Variants in ZFHX3 observed in about 807,000 individuals in gnomAD.
The protein encoded by ZFHX3 is zinc finger homeobox 3.
A neutral mutation model predicts 279.1 loss-of-function variants in ZFHX3; 42 were observed. The observed-to-expected ratio is 0.15, with a 90% CI of 0.12 to 0.19. ZFHX3 has a LOEUF of 0.19. Ranked by LOEUF, ZFHX3 falls within the 10% of genes least tolerant of loss-of-function variation. The pLI is 1.00. For missense variants in ZFHX3, 4,981 were observed against 4,754.0 expected, an observed-to-expected ratio of 1.05 and a Z score of -1.40; for synonymous variants, 2,293 against 1,957.8, an observed-to-expected ratio of 1.17 and a Z score of -4.52.
chr16:73,448,616 C>A (rs138155615), intron 3 of ZFHX3, among the ~76,000 whole-genome samples: 2 of 146,844 alleles, frequency 1.4e-5, no homozygotes, highest in South Asian at 2.2e-4. Flanking sequence ...GTAGAGACTG[C>A]GACAGAAAAA....
At chr16:73,483,455 G>C (rs1246139985) in intron 2 of ZFHX3, 1 of 451,910 alleles carries the variant, frequency 2.2e-6, no homozygotes, top group Non-Finnish European at 4.4e-6. Flanking sequence ...ATAAAAGCAT[G>C]GGGGCTGTGC....
intron 1 of ZFHX3, among the ~76,000 whole-genome samples, chr16:73,044,800 T>A (rs2144711303): frequency 6.6e-6 from 1 of 152,296 alleles, no homozygotes; most frequent in East Asian, 1.9e-4. Context: ...TTTGTATTTT[T>A]AGTAGAGACG....
At chr16:73,597,371 G>A (rs1229605832) in intron 2 of ZFHX3, among the ~76,000 whole-genome samples, 3 of 152,194 alleles carry the variant, frequency 2.0e-5, no homozygotes, top group Non-Finnish European at 4.4e-5. Flanking sequence ...ACTCAGGAGG[G>A]CAAGCTCCTC....
rs557951662 is a variant in ZFHX3, at chr16:73,111,788, G to A, written c.-896-18190C>T. 4.6e-5 allele frequency among the ~76,000 whole-genome samples: 7 copies of A among 152,166 alleles called. No individual in the cohort carries two copies. In the East Asian group the frequency reaches 5.8e-4, roughly 13 times the overall value. ...GGAAGGAGAGAGGGAGGGATTCGCCGTGCACCTAACACATTCTAAACCCTT... is the reference window on the plus strand; with the variant it reads ...GGAAGGAGAGAGGGAGGGATTCGCCATGCACCTAACACATTCTAAACCCTT... On this transcript the variant is annotated intron_variant, in intron 7 of 17. Transcript: ENST00000641206.
intron 1 of ZFHX3, among the ~76,000 whole-genome samples, chr16:73,843,224 C>T (rs565502297): frequency 6.6e-6 from 1 of 152,184 alleles, no homozygotes; most frequent in African/African-American, 2.4e-5. Flanking sequence ...GAACGGAGAA[C>T]AAAGACTGGA....
chr16:73,792,860 C>CA (rs895932021), intron 1 of ZFHX3, among the ~76,000 whole-genome samples: 3 of 144,422 alleles, frequency 2.1e-5, no homozygotes, highest in Non-Finnish European at 4.5e-5. Flanking sequence ...CAGTGCACCC[C>CA]CCCCCTCCCC....
chr16:73,004,112 C>T (rs1963607381), intron 1 of ZFHX3, among the ~76,000 whole-genome samples: 1 of 134,804 alleles, frequency 7.4e-6, no homozygotes, highest in African/African-American at 2.9e-5. Flanking sequence ...GCCCATTTAT[C>T]TCTTTTTATT....
At chr16:72,919,950 T>C (rs941601904) in intron 3 of ZFHX3, among the ~76,000 whole-genome samples, 3 of 151,832 alleles carry the variant, frequency 2.0e-5, no homozygotes, top group Non-Finnish European at 2.9e-5. Flanking sequence ...CCCGGTACTA[T>C]GCCCAGCTAA....
intron 2 of ZFHX3, among the ~76,000 whole-genome samples, chr16:73,663,805 C>A (rs775392245): frequency 1.3e-5 from 2 of 152,202 alleles, no homozygotes; most frequent in Admixed American, 1.3e-4. Flanking sequence ...AATCCACTAT[C>A]TCTGAGAGGG....
chr16:73,528,588 C>T (rs1425233023), intron 2 of ZFHX3, among the ~76,000 whole-genome samples: 1 of 152,176 alleles, frequency 6.6e-6, no homozygotes. Context: ...TAGAAAAGTG[C>T]AGGAGGGAGT....
chr16:72,875,270 G>A (rs538780647), intron 4 of ZFHX3, among the ~76,000 whole-genome samples: 16 of 152,304 alleles, frequency 1.1e-4, no homozygotes, highest in Middle Eastern at 3.4e-3. Flanking sequence ...CACTGAATAC[G>A]GCAGATACCT....
chr16:73,133,134 G>A (rs574370314), intron 6 of ZFHX3, among the ~76,000 whole-genome samples: 26 of 152,330 alleles, frequency 1.7e-4, no homozygotes, highest in South Asian at 1.0e-3. Context: ...CATCTCTTGG[G>A]AATTCTAATG....
At chr16:73,624,222 C>T (rs1301492163) in intron 2 of ZFHX3, among the ~76,000 whole-genome samples, 1 of 152,030 alleles carries the variant, frequency 6.6e-6, no homozygotes, top group African/African-American at 2.4e-5. Flanking sequence ...GTTTGAGACT[C>T]AAGTCATGAA....
chr16:73,568,678 G>T (rs528903620), intron 2 of ZFHX3, among the ~76,000 whole-genome samples: 4 of 152,242 alleles, frequency 2.6e-5, no homozygotes, highest in Non-Finnish European at 2.9e-5. Flanking sequence ...ATTCACCACC[G>T]TCATTGCCAT....
chr16:73,036,140 T>G (rs971526322), intron 1 of ZFHX3, among the ~76,000 whole-genome samples: 1 of 152,066 alleles, frequency 6.6e-6, no homozygotes, highest in Non-Finnish European at 1.5e-5. Flanking sequence ...AGACAGACTC[T>G]CTCTCTCTCT....
At chr16:73,058,201 C>T (rs1332796122) in intron 1 of ZFHX3, among the ~76,000 whole-genome samples, 12 of 145,094 alleles carry the variant, frequency 8.3e-5, no homozygotes, top group African/African-American at 3.0e-4. Flanking sequence ...CGGCCGGCGG[C>T]GGCGGCGCGG....
intron 2 of ZFHX3, among the ~76,000 whole-genome samples, chr16:73,654,652 C>T (rs572691363): frequency 3.5e-4 from 53 of 151,554 alleles, no homozygotes; most frequent in Non-Finnish European, 5.7e-4. Context: ...TTGTTGTATG[C>T]AAGGTAAATT....
chr16:73,073,148 C>T (rs1399800986), intron 8 of ZFHX3, among the ~76,000 whole-genome samples: 4 of 152,154 alleles, frequency 2.6e-5, no homozygotes, highest in African/African-American at 9.7e-5. Flanking sequence ...CTGCTTGCCT[C>T]GGCCTCCCAA....
At chr16:72,985,051 C>A (rs1962788076) in intron 1 of ZFHX3, among the ~76,000 whole-genome samples, 2 of 152,176 alleles carry the variant, frequency 1.3e-5, no homozygotes, top group South Asian at 4.1e-4. Context: ...CACCAACACG[C>A]CCCCACAGGC....
Sources: allele counts gnomAD v4.1 joint callset (sites outside exome capture counted in the v4.1 genomes callset), GRCh38; gene constraint gnomAD v4.1.1; transcripts MANE v1.5; gene names NCBI Gene and HGNC (gene_info 2026-07-23, HGNC 2026-07-21).